The following LRRC49 variants were observed in gnomAD, a reference collection of about 807,000 sequenced individuals.
LRRC49 encodes leucine-rich repeat-containing protein 49.
A neutral mutation model predicts 83.3 loss-of-function variants in LRRC49; 50 were observed. That is an observed-to-expected ratio of 0.60 (90% CI 0.48 to 0.76). The LOEUF is 0.76. Ranked by LOEUF, LRRC49 falls within the 30% of genes least tolerant of loss-of-function variation. The probability of loss-of-function intolerance (pLI) is 0.00; values close to 1 mark genes in which losing one functional copy is unlikely to be tolerated. For missense variants in LRRC49, 704 were observed against 809.1 expected, an observed-to-expected ratio of 0.87 and a Z score of 1.58; for synonymous variants, 286 against 283.3, an observed-to-expected ratio of 1.01 and a Z score of -0.10.
chr15:70,964,570 G>GATGTTTTAAC (rs2036726752), intron 9 of LRRC49, among the ~76,000 whole-genome samples: 1 of 152,056 alleles, frequency 6.6e-6, no homozygotes, highest in African/African-American at 2.4e-5. Flanking sequence ...TCTACACTTA[G>GATGTTTTAAC]ATGTTTTAAT....
At chr15:70,868,645 G>A (rs895314350) in intron 1 of LRRC49, among the ~76,000 whole-genome samples, 3 of 152,212 alleles carry the variant, frequency 2.0e-5, no homozygotes, top group African/African-American at 4.8e-5. Flanking sequence ...TTTCTACCAC[G>A]TTCCCGGGTG....
At chr15:70,936,714 A>AT (rs751047565) in intron 7 of LRRC49, 47 bp from the exon 8 acceptor site, 2 of 1,124,566 alleles carry the variant, frequency 1.8e-6, no homozygotes, top group Non-Finnish European at 2.7e-6. Context: ...CATTTATAAT[A>AT]TTTTTTTCTT....
At chr15:70,859,549 G>T in intron 1 of LRRC49, 1 of 670,880 alleles carries the variant, frequency 1.5e-6, no homozygotes. Flanking sequence ...CGGAGGCTGA[G>T]AGCATGCACC....
chr15:70,963,633 A>G (rs2036686658), intron 8 of LRRC49, 152 bp from the exon 9 acceptor site: 1 of 681,522 alleles, frequency 1.5e-6, no homozygotes, highest in Non-Finnish European at 2.4e-6. Flanking sequence ...TGTTAGCAAT[A>G]GGGGAAACTG....
chr15:71,040,565 A>G (rs1325916528), intron 15 of LRRC49, among the ~76,000 whole-genome samples: 1 of 152,020 alleles, frequency 6.6e-6, no homozygotes, highest in Non-Finnish European at 1.5e-5. Context: ...CACACCTGTA[A>G]TCCCAGCACT....
chr15:70,912,610 C>G (rs1019440292), intron 6 of LRRC49, among the ~76,000 whole-genome samples: 1 of 151,866 alleles, frequency 6.6e-6, no homozygotes, highest in African/African-American at 2.4e-5. Context: ...ATAATCTGGG[C>G]TCCCAATTAT....
At chr15:70,883,636 AT>A (rs2033325467) in intron 2 of LRRC49, among the ~76,000 whole-genome samples, 1 of 148,542 alleles carries the variant, frequency 6.7e-6, no homozygotes, top group Admixed American at 6.7e-5. Flanking sequence ...GAAAAACTAC[AT>A]TGTGAAATGG....
intron 5 of LRRC49, among the ~76,000 whole-genome samples, chr15:70,910,762 G>T (rs1345212614): frequency 2.0e-5 from 3 of 152,112 alleles, no homozygotes; most frequent in Non-Finnish European, 2.9e-5. Flanking sequence ...TATTTATTGG[G>T]TACCTACTTG....
chr15:70,931,746 T>C (rs1461993194), intron 7 of LRRC49, among the ~76,000 whole-genome samples: 1 of 152,322 alleles, frequency 6.6e-6, no homozygotes, highest in African/African-American at 2.4e-5. Flanking sequence ...CTGTTACTCA[T>C]GGTAATTTTT....
chr15:70,882,978 A>G (rs1390532267), intron 2 of LRRC49: 1 of 1,531,806 alleles, frequency 6.5e-7, no homozygotes, highest in Non-Finnish European at 8.9e-7. Context: ...CAAAAGTTAC[A>G]AGTAGTAAGA....
intron 11 of LRRC49, among the ~76,000 whole-genome samples, chr15:70,993,875 C>T (rs59209774): frequency 0.013 from 1,995 of 152,176 alleles, 50 homozygotes; most frequent in African/African-American, 0.046. Flanking sequence ...GATGGAGTCT[C>T]GCTGTGTCTC....
chr15:70,999,868 C>T (rs2038201059), intron 11 of LRRC49, among the ~76,000 whole-genome samples: 1 of 152,190 alleles, frequency 6.6e-6, no homozygotes, highest in Non-Finnish European at 1.5e-5. Context: ...TCAACAAATG[C>T]CACTTAGAAG....
chr15:70,972,603 C>T (rs913700831), intron 9 of LRRC49, among the ~76,000 whole-genome samples: 1 of 152,120 alleles, frequency 6.6e-6, no homozygotes, highest in Non-Finnish European at 1.5e-5. Context: ...CCATTCTCCC[C>T]GTCACTTTCA....
rs267604305 is a variant in LRRC49, at chr15:71,008,571, C to T, written c.1362C>T (p.Ile454=). Residue 454 remains isoleucine, a synonymous_variant, in exon 12 of 16, where the codon ATC becomes ATT. Coordinates refer to ENST00000260382, the MANE Select transcript of LRRC49 (RefSeq NM_017691.5). Reference sequence around the variant, plus strand: ...TCACTTTCATAGAATTTGATGAAATCGTCCAAGTGCTTCCTAAACTGAAGA... The same window carrying T: ...TCACTTTCATAGAATTTGATGAAATTGTCCAAGTGCTTCCTAAACTGAAGA... ...VSFTFIEFDE[I]VQVLPKLKIK... 7 of 1,612,422 alleles carry T rather than the reference C, an allele frequency of 4.3e-6. No homozygotes were observed. The Middle Eastern group carries it at 5.0e-4, about 114-fold the overall frequency.
chr15:70,909,878 A>ACACACAC (rs56281773), intron 5 of LRRC49, among the ~76,000 whole-genome samples: 4 of 150,478 alleles, frequency 2.7e-5, no homozygotes, highest in Middle Eastern at 3.4e-3. Context: ...ACACACACAC[A>ACACACAC]AAACAAACAA....
intron 12 of LRRC49, 45 bp from the exon 13 acceptor site, chr15:71,009,762 G>C: frequency 2.3e-6 from 3 of 1,324,260 alleles, no homozygotes; most frequent in Non-Finnish European, 3.2e-6. Context: ...TTTCAATATG[G>C]TTAAAATCAA....
intron 7 of LRRC49, among the ~76,000 whole-genome samples, chr15:70,934,529 G>T (rs773999062): frequency 3.3e-5 from 5 of 152,112 alleles, no homozygotes; most frequent in Non-Finnish European, 7.4e-5. Flanking sequence ...GACATTTAAT[G>T]ATTTTTAAAA....
At chr15:70,885,173 C>T (rs1027225122) in intron 2 of LRRC49, among the ~76,000 whole-genome samples, 1 of 152,000 alleles carries the variant, frequency 6.6e-6, no homozygotes, top group African/African-American at 2.4e-5. Context: ...CGTATTAATC[C>T]ACTAGAACAT....
intron 11 of LRRC49, among the ~76,000 whole-genome samples, chr15:70,986,614 A>C (rs2037629496): frequency 6.8e-6 from 1 of 147,068 alleles, no homozygotes. Flanking sequence ...TTCCTAATTG[A>C]ATACCCTTTA....
Sources: allele counts gnomAD v4.1 joint callset (sites outside exome capture counted in the v4.1 genomes callset), GRCh38; gene constraint gnomAD v4.1.1; transcripts MANE v1.5; gene names NCBI Gene and HGNC (gene_info 2026-07-23, HGNC 2026-07-21).